ATRX: variants seen among roughly 807,000 people sequenced by gnomAD.
The protein encoded by ATRX is ATRX chromatin remodeler.
In ATRX, 12 loss-of-function variants were observed where a neutral mutation model predicts 172.6. The ratio of observed to expected loss-of-function variants is 0.07; its 90% CI spans 0.04 to 0.11. ATRX has a LOEUF of 0.11. ATRX is among the 10% of genes least tolerant of loss of function. The probability of loss-of-function intolerance (pLI) is 1.00; values close to 1 mark genes in which losing one functional copy is unlikely to be tolerated. For synonymous variants in ATRX, 674 were observed against 594.7 expected (o/e 1.13, Z -1.94); for missense variants, 1,368 against 1,767.4 (o/e 0.77, Z 4.05).
intron 21 of ATRX, 110 bp downstream of exon 21, chrX:77,618,696 A>G: frequency 3.9e-6 from 3 of 773,035 alleles, no homozygotes; most frequent in Non-Finnish European, 5.8e-6. Flanking sequence ...CTATCTACTG[A>G]AAGAGCGGGA....
At chrX:77,689,478 C>T (rs1225875207) in intron 6 of ATRX, among the ~76,000 whole-genome samples, 1 of 111,744 alleles carries the variant, frequency 8.9e-6, no homozygotes. Context: ...CATTAAACTG[C>T]CTTTTTTCTA....
At chrX:77,730,559 T>A (rs1557175676) in intron 1 of ATRX, among the ~76,000 whole-genome samples, 1 of 112,160 alleles carries the variant, frequency 8.9e-6, no homozygotes. Flanking sequence ...AGCCCATGGA[T>A]TATTCTCAAG....
intron 1 of ATRX, among the ~76,000 whole-genome samples, chrX:77,717,668 T>C (rs2073513196): frequency 2.7e-5 from 3 of 110,500 alleles, no homozygotes; most frequent in Admixed American, 9.7e-5. Context: ...ACAACCTACC[T>C]GTACACTTAC....
chrX:77,695,776 T>C (rs2072155491), intron 5 of ATRX, among the ~76,000 whole-genome samples: 2 of 111,874 alleles, frequency 1.8e-5, no homozygotes, highest in Admixed American at 1.9e-4. Flanking sequence ...TAAACTTCCA[T>C]AATTTGAAAA....
intron 28 of ATRX, among the ~76,000 whole-genome samples, chrX:77,560,237 G>C (rs2064970652): frequency 9.0e-6 from 1 of 110,908 alleles, no homozygotes; most frequent in South Asian, 3.7e-4. Flanking sequence ...GAAAAAGATT[G>C]GATAAACACT....
In ATRX at chrX:77,726,982, T is replaced by C. The variant is rs782683031; in HGVS notation, c.21-9739A>G. The stretch of plus-strand genomic sequence containing the variant: ...AGAATCTACAAAGAACTTAAATTTA[T>C]AAGAAAAAAACAAATAACCCTATCA... On this transcript the variant is annotated intron_variant, in intron 1 of 34. Coordinates refer to ENST00000373344, the MANE Select transcript of ATRX (RefSeq NM_000489.6). Among the ~76,000 whole-genome samples the C allele has an allele frequency of 5.4e-5, 6 of 110,984 alleles. No homozygotes were observed. The South Asian group carries it at 2.3e-3, about 42-fold the overall frequency.
intron 1 of ATRX, 93 bp from the exon 2 acceptor site, chrX:77,717,336 T>C (rs2073489448): frequency 4.6e-6 from 3 of 658,665 alleles, no homozygotes; most frequent in East Asian, 6.6e-5. Flanking sequence ...ATAGCCATAC[T>C]GTAAGTCGTG....
intron 27 of ATRX, among the ~76,000 whole-genome samples, chrX:77,580,240 G>A (rs782709634): frequency 1.9e-4 from 21 of 111,769 alleles, no homozygotes; most frequent in Middle Eastern, 8.4e-3. Flanking sequence ...AAAGACTGGC[G>A]TAGAAAGTTT....
At chrX:77,632,245 T>TC (rs2068143748) in intron 19 of ATRX, among the ~76,000 whole-genome samples, 2 of 110,985 alleles carry the variant, frequency 1.8e-5, no homozygotes, top group Admixed American at 1.9e-4. Context: ...TTTAATTTTT[T>TC]TTTTCTTCAT....
Position 77,775,539 on chromosome X carries a change from C to T in ATRX, c.20+10443G>A, listed in dbSNP as rs1231483970. The stretch of plus-strand genomic sequence containing the variant: ...CTCCACAAAAAAATACAAAAATTAA[C>T]TCAGCATGGTGGCATGCACCTATAG... On this transcript the variant is annotated intron_variant, in intron 1 of 34. Transcript: ENST00000373344. 4.5e-5 allele frequency among the ~76,000 whole-genome samples: 5 copies of T among 110,059 alleles called. No individual in the cohort carries two copies. The Admixed American group carries it at 4.9e-4, about 11-fold the overall frequency.
At chrX:77,732,023 G>C (rs1359803158) in intron 1 of ATRX, among the ~76,000 whole-genome samples, 4 of 111,949 alleles carry the variant, frequency 3.6e-5, no homozygotes, top group African/African-American at 1.3e-4. Context: ...AGGCCAACTT[G>C]TTAACACACA....
rs2071381766 is a variant in ATRX at position 77,683,626 on chromosome X, G to A, written c.1630C>T (p.His544Tyr). The A allele has an allele frequency of 8.3e-7, 1 of 1,211,444 alleles. No homozygotes were observed. The highest frequency in any genetic ancestry group is 1.1e-6 in the Non-Finnish European group (1 of 895,238). ...GTTCCACTGCTGCCATCCCCTTGAT[G>A]ATCAACTGAACTCTGAACTTCCATA... ...TAMEVQSSVD[H>Y]QGDGSSGTEQ... Residue 544 changes from histidine to tyrosine, a missense_variant, in exon 9 of 35, where the codon CAT becomes TAT. Around this residue, in one of 17 missense-constraint regions of ATRX, gnomAD observed 843 missense variants for 643.1 expected, o/e 1.31. Transcript: ENST00000373344.
In ATRX at chrX:77,558,804, T is replaced by A. The variant is rs2147949722; in HGVS notation, c.6369A>T (p.Gly2123=). 1 of 1,203,927 alleles carries A rather than the reference T, an allele frequency of 8.3e-7. No homozygotes were observed. Among genetic ancestry groups the A allele is most frequent in the Non-Finnish European group, 1.1e-6 (1 of 888,736 alleles). ...FIISTKAGSL[G]INLVAANRVI... ...CTCGATTAGCAGCTACCAGATTAAT[T>A]CCTAGAGATCCTGCTTTAGTAGAAA... The change falls in exon 29 of 35, where the codon GGA becomes GGT. Residue 2123 remains glycine (G), a synonymous_variant. Transcript: ENST00000373344.
At chrX:77,616,083 T>C (rs781861091) in intron 22 of ATRX, 30 of 752,156 alleles carry the variant, frequency 4.0e-5, no homozygotes, top group Middle Eastern at 7.6e-4. Context: ...TTTTAAAGCA[T>C]AGAAAAATAC....
At chrX:77,538,886 C>A (rs1476798261) in intron 30 of ATRX, among the ~76,000 whole-genome samples, 1 of 107,232 alleles carries the variant, frequency 9.3e-6, no homozygotes, top group Non-Finnish European at 1.9e-5. Context: ...TGAATGCTAA[C>A]TTTGCTCCAT....
chrX:77,727,483 C>T (rs1269374951), intron 1 of ATRX, among the ~76,000 whole-genome samples: 8 of 111,323 alleles, frequency 7.2e-5, no homozygotes, highest in African/African-American at 2.0e-4. Context: ...CTATACACCA[C>T]GGAATACTAT....
At chrX:77,608,815 G>A (rs1557092367) in intron 22 of ATRX, among the ~76,000 whole-genome samples, 1 of 111,485 alleles carries the variant, frequency 9.0e-6, no homozygotes, top group Non-Finnish European at 1.9e-5. Context: ...CACAGGATGG[G>A]AGAAAATACC....
intron 12 of ATRX, among the ~76,000 whole-genome samples, chrX:77,657,695 C>G (rs1213254402): frequency 1.8e-5 from 2 of 111,865 alleles, no homozygotes; most frequent in East Asian, 2.8e-4. Context: ...TAGAAAATTA[C>G]AACTAGGCAA....
intron 1 of ATRX, among the ~76,000 whole-genome samples, chrX:77,754,225 T>A (rs2075408148): frequency 9.0e-6 from 1 of 111,199 alleles, no homozygotes; most frequent in Non-Finnish European, 1.9e-5. Context: ...TTTGAGCCTA[T>A]GTGTGTCTTT....
Sources: gnomAD v4.1 joint callset for allele counts (sites outside exome capture counted in the v4.1 genomes callset) on GRCh38, gnomAD v4.1.1 for gene constraint, gnomAD v4.1.1 regional missense constraint, MANE v1.5 for transcripts, NCBI Gene and HGNC (gene_info 2026-07-23, HGNC 2026-07-21) for gene names.